Variants in ROR2 observed in about 807,000 individuals in gnomAD.
ROR2 encodes ROR family WNT receptor 2, also known as tyrosine-protein kinase transmembrane receptor ROR2.
Under a neutral mutation model 74.9 loss-of-function variants are expected in ROR2, and 33 were observed. That is an observed-to-expected ratio of 0.44 (90% CI 0.33 to 0.59). The LOEUF (loss-of-function observed/expected upper bound fraction) is 0.59, where lower values mean the gene tolerates loss of function less well. Among genes scored for constraint, ROR2 ranks in the 20% least tolerant of loss-of-function variants. ROR2 has a pLI of 0.02. For missense variants in ROR2, 1,216 were observed against 1,313.8 expected, an observed-to-expected ratio of 0.93 and a Z score of 1.15; for synonymous variants, 586 against 558.7, an observed-to-expected ratio of 1.05 and a Z score of -0.69.
At chr9:91,941,242 C>A (rs1831856726) in intron 1 of ROR2, among the ~76,000 whole-genome samples, 1 of 152,120 alleles carries the variant, frequency 6.6e-6, no homozygotes, top group South Asian at 2.1e-4. Flanking sequence ...CGTGATCCCC[C>A]CGCCTCAGCC....
chr9:91,790,994 C>A (rs985578855), intron 1 of ROR2, among the ~76,000 whole-genome samples: 1 of 152,072 alleles, frequency 6.6e-6, no homozygotes, highest in Non-Finnish European at 1.5e-5. Flanking sequence ...AAAAGGTTAC[C>A]TTAAGCTAAG....
intron 1 of ROR2, among the ~76,000 whole-genome samples, chr9:91,942,485 C>T (rs993915446): frequency 2.1e-4 from 32 of 152,126 alleles, no homozygotes; most frequent in African/African-American, 6.8e-4. Flanking sequence ...TCAATCCGTA[C>T]AGTTATTGCT....
chr9:91,854,783 C>T (rs892946153), intron 1 of ROR2, among the ~76,000 whole-genome samples: 13 of 152,310 alleles, frequency 8.5e-5, no homozygotes, highest in African/African-American at 3.1e-4. Flanking sequence ...TAGAATAAGA[C>T]CTCACTGCTT....
intron 1 of ROR2, among the ~76,000 whole-genome samples, chr9:91,876,200 C>T (rs1238244448): frequency 2.6e-5 from 4 of 152,076 alleles, no homozygotes; most frequent in Non-Finnish European, 4.4e-5. Flanking sequence ...TGGTAAAACC[C>T]CATCTCTACT....
chr9:91,829,571 A>AAAAAAAAAAAAAC (rs1563986845), intron 1 of ROR2, among the ~76,000 whole-genome samples: 2 of 151,214 alleles, frequency 1.3e-5, no homozygotes, highest in African/African-American at 2.4e-5. Flanking sequence ...AAAAAAAAAA[A>AAAAAAAAAAAAAC]AAGCACACAT....
chr9:91,758,637 T>A (rs1436161970), intron 2 of ROR2, among the ~76,000 whole-genome samples: 1 of 151,750 alleles, frequency 6.6e-6, no homozygotes, highest in African/African-American at 2.4e-5. Context: ...GGGGAGTGAG[T>A]GGGCTGCTCC....
chr9:91,749,379 G>A (rs1218540677), intron 4 of ROR2, among the ~76,000 whole-genome samples: 1 of 152,174 alleles, frequency 6.6e-6, no homozygotes, highest in African/African-American at 2.4e-5. Context: ...CTGCCTTCCA[G>A]ATGGCACCTG....
At chr9:91,750,730 G>C (rs1196649044) in intron 4 of ROR2, among the ~76,000 whole-genome samples, 1 of 152,188 alleles carries the variant, frequency 6.6e-6, no homozygotes, top group Non-Finnish European at 1.5e-5. Flanking sequence ...CTCTGTGCAT[G>C]TCCAAGAATG....
intron 1 of ROR2, among the ~76,000 whole-genome samples, chr9:91,812,545 G>A (rs1350253156): frequency 6.7e-6 from 1 of 149,832 alleles, no homozygotes; most frequent in African/African-American, 2.4e-5. Flanking sequence ...CGTGTGTGTG[G>A]CCTGTCCTCC....
intron 1 of ROR2, among the ~76,000 whole-genome samples, chr9:91,832,905 G>T (rs1487414347): frequency 6.6e-6 from 1 of 152,174 alleles, no homozygotes; most frequent in African/African-American, 2.4e-5. Context: ...TCAGTGGAGG[G>T]GAAAGGAGGA....
At chr9:91,910,185 T>A (rs1489623916) in intron 1 of ROR2, among the ~76,000 whole-genome samples, 1 of 152,160 alleles carries the variant, frequency 6.6e-6, no homozygotes, top group Non-Finnish European at 1.5e-5. Flanking sequence ...CCTGTCAATT[T>A]AGCAGAAAAG....
Position 91,797,176 on chromosome 9 carries a change from A to G in ROR2, c.98-21358T>C, listed in dbSNP as rs1301902782. The stretch of plus-strand genomic sequence containing the variant: ...AATGACACACTGGGCTTTGTGGGAG[A>G]GGCTGACACCCTGGGCTAGTGGGTA... On this transcript the variant is annotated intron_variant, in intron 1 of 8. Coordinates refer to ENST00000375708, the MANE Select transcript of ROR2 (RefSeq NM_004560.4). 6.8e-5 allele frequency among the ~76,000 whole-genome samples: 3 copies of G among 44,180 alleles called. No individual in the cohort carries two copies. The Admixed American group carries it at 7.3e-4, about 11-fold the overall frequency. The allele number at this position is 44,180 out of a possible 152,430, so 29.0% of individuals were successfully genotyped here.
intron 1 of ROR2, among the ~76,000 whole-genome samples, chr9:91,834,415 T>G (rs1394101619): frequency 6.6e-6 from 1 of 152,260 alleles, no homozygotes; most frequent in East Asian, 1.9e-4. Flanking sequence ...TATTTTTTAA[T>G]GCAGACACAG....
intron 1 of ROR2, among the ~76,000 whole-genome samples, chr9:91,792,590 G>A (rs1587723416): frequency 6.6e-6 from 1 of 152,166 alleles, no homozygotes. Context: ...TTACAGGCAT[G>A]AGCCATGCGC....
Position 91,723,540 on chromosome 9 carries a change from A to G in ROR2, c.*122T>C, listed in dbSNP as rs563682786. The G allele has an allele frequency of 1.5e-5, 22 of 1,433,928 alleles. No homozygotes were observed. The highest frequency in any genetic ancestry group is 2.1e-5 in the Non-Finnish European group (22 of 1,061,130). 88.8% of individuals were successfully genotyped at this position (1,433,928 alleles called of 1,614,324 possible). A position where few individuals can be genotyped will look rare whatever the true frequency, so the allele number is the denominator to read the frequency against. On this transcript the variant is annotated 3_prime_UTR_variant, in exon 9 of 9. Transcript: ENST00000375708. The stretch of plus-strand genomic sequence containing the variant: ...AGGGCTCCACCTCACCCAGTCTGCA[A>G]ACAAGCCCACTGGCCGGCGGGCTCT...
At chr9:91,921,333 T>A (rs1313170906) in intron 1 of ROR2, among the ~76,000 whole-genome samples, 1 of 152,318 alleles carries the variant, frequency 6.6e-6, no homozygotes, top group East Asian at 1.9e-4. Context: ...AAATTAAAAG[T>A]AATTATATTT....
chr9:91,782,584 CAAA>C (rs55664591), intron 1 of ROR2, among the ~76,000 whole-genome samples: 87 of 79,752 alleles, frequency 1.1e-3, no homozygotes, highest in Non-Finnish European at 1.2e-3. Flanking sequence ...TAGCTGATAG[CAAA>C]AAAAAAAAAA....
intron 2 of ROR2, among the ~76,000 whole-genome samples, chr9:91,761,196 C>T (rs571270123): frequency 1.3e-5 from 2 of 152,276 alleles, no homozygotes; most frequent in African/African-American, 2.4e-5. Context: ...CCAATGAAAC[C>T]AACCCAACAG....
chr9:91,881,027 C>T (rs1478176167), intron 1 of ROR2, among the ~76,000 whole-genome samples: 2 of 152,238 alleles, frequency 1.3e-5, no homozygotes, highest in East Asian at 3.9e-4. Flanking sequence ...CATACTAAAG[C>T]ATTTTGGGGG....
Sources: gnomAD v4.1 joint callset for allele counts (sites outside exome capture counted in the v4.1 genomes callset) on GRCh38, gnomAD v4.1.1 for gene constraint, MANE v1.5 for transcripts, NCBI Gene and HGNC (gene_info 2026-07-23, HGNC 2026-07-21) for gene names.